FLI1: variants seen among roughly 807,000 people sequenced by gnomAD.
FLI1 encodes the protein Friend leukemia integration 1 transcription factor.
In FLI1, 13 loss-of-function variants were observed where a neutral mutation model predicts 53.1. The observed-to-expected ratio is 0.24, with a 90% CI of 0.16 to 0.39. FLI1 has a LOEUF of 0.39. Among genes scored for constraint, FLI1 ranks in the 10% least tolerant of loss-of-function variants. The probability of loss-of-function intolerance (pLI) is 1.00; values close to 1 mark genes in which losing one functional copy is unlikely to be tolerated. For missense variants in FLI1, 424 were observed against 600.5 expected, an observed-to-expected ratio of 0.71 and a Z score of 3.07; for synonymous variants, 244 against 236.7, an observed-to-expected ratio of 1.03 and a Z score of -0.28.
chr11:128,777,450 ATTTAAAC>A (rs1417594392), intron 4 of FLI1, among the ~76,000 whole-genome samples: 2 of 152,136 alleles, frequency 1.3e-5, no homozygotes, highest in African/African-American at 2.4e-5. Context: ...CCCATTTTTA[ATTTAAAC>A]TTTAATGGAA....
chr11:128,777,407 C>T (rs1039694256), intron 4 of FLI1, among the ~76,000 whole-genome samples: 1 of 152,096 alleles, frequency 6.6e-6, no homozygotes, highest in Non-Finnish European at 1.5e-5. Flanking sequence ...ACTGCGCGAC[C>T]GGGAGACCAC....
chr11:128,779,886 T>G (rs779055848), intron 4 of FLI1, among the ~76,000 whole-genome samples: 1 of 152,244 alleles, frequency 6.6e-6, no homozygotes, highest in Non-Finnish European at 1.5e-5. Context: ...TGAGGCTGTA[T>G]GCTACAGCCT....
At chr11:128,802,574 CTG>C (rs2135909796) in intron 5 of FLI1, among the ~76,000 whole-genome samples, 1 of 152,364 alleles carries the variant, frequency 6.6e-6, no homozygotes, top group East Asian at 1.9e-4. Flanking sequence ...TGGGTGGCCT[CTG>C]TGTTTCTGTC....
At chr11:128,748,074 G>C (rs990968744) in intron 1 of FLI1, among the ~76,000 whole-genome samples, 10 of 152,214 alleles carry the variant, frequency 6.6e-5, no homozygotes, top group Middle Eastern at 3.2e-3. Flanking sequence ...CGGGAGGCCC[G>C]TGAGGCACAG....
At chr11:128,772,653 G>A (rs944177275) in intron 3 of FLI1, 129 bp from the exon 4 acceptor site, 12 of 755,128 alleles carry the variant, frequency 1.6e-5, no homozygotes, top group Non-Finnish European at 2.5e-5. Context: ...GGAACCATGT[G>A]GAAGGGAGCT....
At chr11:128,736,226 A>G (rs1429388040) in intron 1 of FLI1, among the ~76,000 whole-genome samples, 2 of 136,206 alleles carry the variant, frequency 1.5e-5, no homozygotes, top group African/African-American at 5.5e-5. Flanking sequence ...GAAGAGCTGT[A>G]GGCATTCATT....
chr11:128,788,815 T>C (rs370472379), intron 5 of FLI1, among the ~76,000 whole-genome samples: 41 of 152,298 alleles, frequency 2.7e-4, no homozygotes, highest in African/African-American at 9.6e-4. Context: ...CCTCCATTCA[T>C]TCATTTCTTT....
intron 1 of FLI1, among the ~76,000 whole-genome samples, chr11:128,708,767 A>G (rs746248079): frequency 6.6e-6 from 1 of 152,158 alleles, no homozygotes; most frequent in Non-Finnish European, 1.5e-5. Flanking sequence ...ATTGCTGTAA[A>G]TCATGCGGCA....
chr11:128,766,064 C>T (rs1300382815), intron 2 of FLI1, among the ~76,000 whole-genome samples: 1 of 151,948 alleles, frequency 6.6e-6, no homozygotes, highest in Non-Finnish European at 1.5e-5. Flanking sequence ...GTATTGTGCA[C>T]ATGTGTTCTG....
At position 128,694,270 on chromosome 11, in the gene FLI1, T is replaced by C. The variant is rs1425813965; in HGVS notation, c.12T>C (p.Thr4=). Residue 4 remains threonine, a synonymous_variant, in exon 1 of 9, where the codon ACT becomes ACC. Coordinates refer to ENST00000527786, the MANE Select transcript of FLI1 (RefSeq NM_002017.5). MDG[T]IKEALSVVSD... is the part of the protein sequence containing the mutation. ...GCAGACTTGGCCAAATGGACGGGAC[T>C]ATTAAGGTAAGCGGCGGGGCAACGG... 7 of 1,408,268 alleles carry C rather than the reference T, an allele frequency of 5.0e-6. No individual in the cohort carries two copies. The East Asian group carries it at 1.7e-4, about 34-fold the overall frequency. The allele number at this position is 1,408,268 out of a possible 1,614,324, so 87.2% of individuals were successfully genotyped here.
rs766483744 is a variant in FLI1 at position 128,772,783 on chromosome 11, C to T, written c.387C>T (p.Asp129=). Residue 129 remains aspartate (D), a splice_region_variant and synonymous_variant, in exon 4 of 9, where the codon GAC becomes GAT. Coordinates refer to ENST00000527786, the MANE Select transcript of FLI1 (RefSeq NM_002017.5). ...CTAACAACGTCTTCTCCTCTGCAGACCCCACACTGTGGACACAGGAGCATG... is the reference window on the plus strand; with the variant it reads ...CTAACAACGTCTTCTCCTCTGCAGATCCCACACTGTGGACACAGGAGCATG... ...TNERRVIVPA[D]PTLWTQEHVR... 6.8e-6 allele frequency: 11 copies of T among 1,613,828 alleles called. No homozygotes were observed. The highest frequency in any genetic ancestry group is 3.3e-4 in the Middle Eastern group (2 of 6,062).
chr11:128,696,621 C>A (rs746582201), intron 1 of FLI1, among the ~76,000 whole-genome samples: 28 of 152,180 alleles, frequency 1.8e-4, no homozygotes, highest in Non-Finnish European at 3.8e-4. Context: ...TACAAGAACA[C>A]TTGCCTGTAT....
rs187543129 is a variant in FLI1 at position 128,761,434 on chromosome 11, A to C, written c.230+3108A>C. Among the ~76,000 whole-genome samples, 611 of 152,294 alleles carry C rather than the reference A, an allele frequency of 4.0e-3. 1 individual carries two copies. The highest frequency in any genetic ancestry group is 6.8e-3 in the Middle Eastern group (2 of 292). On this transcript the variant is annotated intron_variant, in intron 2 of 8. Transcript: ENST00000527786. ...GGCCTGAAACGGTAGGTGCTCAATA[A>C]ATTGTCGTCAAATAAATAACTGAGA...
At chr11:128,720,493 A>G (rs1025604956) in intron 1 of FLI1, among the ~76,000 whole-genome samples, 6 of 152,146 alleles carry the variant, frequency 3.9e-5, no homozygotes, top group Non-Finnish European at 8.8e-5. Flanking sequence ...AAAACCAGAA[A>G]CACTGGGGGG....
At chr11:128,790,101 C>T (rs566734037) in intron 5 of FLI1, among the ~76,000 whole-genome samples, 4 of 126,762 alleles carry the variant, frequency 3.2e-5, no homozygotes, top group South Asian at 5.0e-4. Flanking sequence ...TGTGTGCACG[C>T]GTGCTGTTTC....
At chr11:128,707,621 TG>T (rs1488205054) in intron 1 of FLI1, among the ~76,000 whole-genome samples, 1 of 152,162 alleles carries the variant, frequency 6.6e-6, no homozygotes, top group African/African-American at 2.4e-5. Context: ...GTCTGAAGTG[TG>T]GTAAAGGAAT....
intron 4 of FLI1, among the ~76,000 whole-genome samples, chr11:128,780,382 G>T (rs1208581424): frequency 1.3e-5 from 2 of 152,308 alleles, no homozygotes; most frequent in East Asian, 3.9e-4. Context: ...GGCCGAGGCA[G>T]GCAGATCACC....
At chr11:128,736,981 C>T (rs1200076238) in intron 1 of FLI1, among the ~76,000 whole-genome samples, 1 of 152,126 alleles carries the variant, frequency 6.6e-6, no homozygotes, top group East Asian at 1.9e-4. Context: ...AACAACCATG[C>T]CAAGCCTCCG....
intron 5 of FLI1, among the ~76,000 whole-genome samples, chr11:128,790,252 C>A (rs1942230015): frequency 9.3e-6 from 1 of 107,170 alleles, no homozygotes; most frequent in African/African-American, 5.3e-5. Context: ...CGGAGAGTTG[C>A]ATTTTTTTTT....
Sources: allele counts gnomAD v4.1 joint callset (sites outside exome capture counted in the v4.1 genomes callset), GRCh38; gene constraint gnomAD v4.1.1; transcripts MANE v1.5; gene names NCBI Gene and HGNC (gene_info 2026-07-23, HGNC 2026-07-21).